CCDC178: variants seen among roughly 807,000 people sequenced by gnomAD.
CCDC178 encodes coiled-coil domain containing 178, also known as coiled-coil domain-containing protein 178.
In CCDC178, 126 loss-of-function variants were observed where a neutral mutation model predicts 117.4. The observed-to-expected ratio is 1.07, with a 90% CI of 0.93 to 1.24. The LOEUF (loss-of-function observed/expected upper bound fraction) is 1.24, where lower values mean the gene tolerates loss of function less well. Among genes scored for constraint, CCDC178 ranks in the 50% most tolerant of loss-of-function variants. The pLI, the probability that CCDC178 is intolerant of heterozygous loss-of-function variation, is 0.00. For synonymous variants in CCDC178, 283 were observed against 313.4 expected (o/e 0.90, Z 1.02); for missense variants, 1,030 against 986.9 (o/e 1.04, Z -0.59).
At chr18:33,017,736 A>G (rs1026032571) in intron 21 of CCDC178, among the ~76,000 whole-genome samples, 2 of 152,012 alleles carry the variant, frequency 1.3e-5, no homozygotes, top group Non-Finnish European at 2.9e-5. Flanking sequence ...ATATAAGTAT[A>G]GAAACACAGA....
intron 11 of CCDC178, among the ~76,000 whole-genome samples, chr18:33,313,021 C>A (rs1294432487): frequency 6.6e-6 from 1 of 152,136 alleles, no homozygotes; most frequent in African/African-American, 2.4e-5. Context: ...GCAGGTTATC[C>A]TATAGTCTCT....
chr18:33,403,819 A>G (rs1340025859), intron 3 of CCDC178, among the ~76,000 whole-genome samples: 2 of 152,072 alleles, frequency 1.3e-5, no homozygotes, highest in African/African-American at 4.8e-5. Flanking sequence ...TTGAGAGTTA[A>G]AAACTTCTGG....
Position 33,102,436 on chromosome 18 carries a change from A to G in CCDC178, c.2239-9526T>C, listed in dbSNP as rs936952427. 2.6e-5 allele frequency among the ~76,000 whole-genome samples: 4 copies of G among 151,530 alleles called. No homozygotes were observed. The South Asian group carries it at 8.3e-4, about 31-fold the overall frequency. ...GAGTGCTTTGAAGTAAAAAAAAAAA[A>G]AAAAAATAGGCCTCAGTCTTTTCCT... On this transcript the variant is annotated intron_variant, in intron 20 of 22. Coordinates refer to ENST00000383096, the MANE Select transcript of CCDC178 (RefSeq NM_001105528.4).
At chr18:33,169,134 A>C (rs1172398004) in intron 20 of CCDC178, among the ~76,000 whole-genome samples, 1 of 152,192 alleles carries the variant, frequency 6.6e-6, no homozygotes, top group Non-Finnish European at 1.5e-5. Flanking sequence ...AAGTTACGGA[A>C]ATTTGCAAAG....
chr18:33,293,844 A>T (rs1470859886), intron 11 of CCDC178, among the ~76,000 whole-genome samples: 2 of 152,212 alleles, frequency 1.3e-5, no homozygotes, highest in African/African-American at 2.4e-5. Flanking sequence ...GGGAAAACAT[A>T]ATTGAGAGAA....
At chr18:33,177,496 G>T (rs902540460) in intron 20 of CCDC178, among the ~76,000 whole-genome samples, 2 of 152,064 alleles carry the variant, frequency 1.3e-5, no homozygotes, top group Non-Finnish European at 2.9e-5. Context: ...GCATCCTTGG[G>T]GAGTTGGCTT....
intron 22 of CCDC178, among the ~76,000 whole-genome samples, chr18:32,965,943 TA>T (rs2054803783): frequency 6.7e-6 from 1 of 148,916 alleles, no homozygotes. Flanking sequence ...ATTTTATATA[TA>T]AAAATATATA....
chr18:33,207,037 G>A (rs977114972), intron 20 of CCDC178, among the ~76,000 whole-genome samples: 5 of 152,140 alleles, frequency 3.3e-5, no homozygotes, highest in Non-Finnish European at 5.9e-5. Flanking sequence ...TTGTCTCTCA[G>A]GCTGGAGTTT....
intron 20 of CCDC178, among the ~76,000 whole-genome samples, chr18:33,171,308 C>A (rs1012180685): frequency 1.3e-5 from 2 of 152,128 alleles, no homozygotes; most frequent in African/African-American, 4.8e-5. Context: ...CAGAATAAAT[C>A]CTATTCACTC....
chr18:33,246,626 G>A (rs1289857898), intron 14 of CCDC178, among the ~76,000 whole-genome samples: 2 of 151,708 alleles, frequency 1.3e-5, no homozygotes, highest in Non-Finnish European at 2.9e-5. Flanking sequence ...TAGAAATGGG[G>A]TCAAAAATCA....
chr18:33,226,407 T>A (rs1477248393), intron 16 of CCDC178, among the ~76,000 whole-genome samples: 2 of 152,184 alleles, frequency 1.3e-5, no homozygotes, highest in Non-Finnish European at 2.9e-5. Flanking sequence ...AAAATCTCTA[T>A]ATGGAAGTAT....
chr18:33,167,876 A>AAAT (rs1237025701), intron 20 of CCDC178, among the ~76,000 whole-genome samples: 2 of 151,574 alleles, frequency 1.3e-5, no homozygotes, highest in Non-Finnish European at 2.9e-5. Flanking sequence ...CTAAATAAAT[A>AAAT]AATAAATAAA....
At chr18:33,314,200 C>CAAAAAAAAAAAAAAAAAAA (rs869127341) in intron 11 of CCDC178, among the ~76,000 whole-genome samples, 1 of 62,426 alleles carries the variant, frequency 1.6e-5, no homozygotes, top group African/African-American at 6.4e-5. Flanking sequence ...GACTCCGTCT[C>CAAAAAAAAAAAAAAAAAAA]AAAAAAAAAA....
chr18:32,951,100 T>C (rs1003350754), intron 22 of CCDC178, among the ~76,000 whole-genome samples: 7 of 152,222 alleles, frequency 4.6e-5, no homozygotes, highest in African/African-American at 1.4e-4. Context: ...CCAGGAGCAA[T>C]TGTTTTACAA....
intron 3 of CCDC178, among the ~76,000 whole-genome samples, chr18:33,402,870 G>A (rs1301782829): frequency 1.3e-5 from 2 of 152,130 alleles, no homozygotes; most frequent in Non-Finnish European, 2.9e-5. Flanking sequence ...CTGGCTTCAA[G>A]GAAATATTTG....
intron 20 of CCDC178, among the ~76,000 whole-genome samples, chr18:33,182,248 A>C (rs1295106232): frequency 2.6e-5 from 4 of 151,894 alleles, no homozygotes. Context: ...TGGTGGAGAA[A>C]TGTAGGGAAG....
intron 21 of CCDC178, among the ~76,000 whole-genome samples, chr18:33,009,599 T>C (rs1214521561): frequency 6.6e-6 from 1 of 152,150 alleles, no homozygotes; most frequent in African/African-American, 2.4e-5. Flanking sequence ...TCCCATCCTA[T>C]CTAGAATTCC....
chr18:33,432,355 T>C (rs936537435), intron 2 of CCDC178, among the ~76,000 whole-genome samples: 8 of 152,162 alleles, frequency 5.3e-5, no homozygotes, highest in Non-Finnish European at 2.9e-5. Context: ...AGCAAAAGTA[T>C]ATTAGTAGAG....
chr18:33,346,282 T>C lies in CCDC178; in HGVS notation c.587A>G (p.Asn196Ser), dbSNP rs201046511. ...AGAGTCAATTTTCATGTTAATCATA[T>C]TCTTTCTTGATCTCTGTTGTTTTAA... ...EALKQQRSRK[N>S]MINMKIDSWS... is the part of the protein sequence containing the mutation. The change falls in exon 9 of 23, where the codon AAT becomes AGT. Residue 196 changes from asparagine to serine, a missense_variant. Transcript: ENST00000383096. 6.2e-7 allele frequency: 1 copy of C among 1,613,970 alleles called. No individual in the cohort carries two copies. Among genetic ancestry groups the C allele is most frequent in the Non-Finnish European group, 8.5e-7 (1 of 1,179,862 alleles).
Sources: allele counts gnomAD v4.1 joint callset (sites outside exome capture counted in the v4.1 genomes callset), GRCh38; gene constraint gnomAD v4.1.1; transcripts MANE v1.5; gene names NCBI Gene and HGNC (gene_info 2026-07-23, HGNC 2026-07-21).